FCHSD2: variants seen among roughly 807,000 people sequenced by gnomAD.
The protein encoded by FCHSD2 is FCH and double SH3 domains 2.
Under a neutral mutation model 108.1 loss-of-function variants are expected in FCHSD2, and 38 were observed. That is an observed-to-expected ratio of 0.35 (90% CI 0.27 to 0.46). The LOEUF is 0.46. Among genes scored for constraint, FCHSD2 ranks in the 20% least tolerant of loss-of-function variants. The pLI is 1.00. For synonymous variants in FCHSD2, 279 were observed against 314.7 expected (o/e 0.89, Z 1.20); for missense variants, 751 against 897.8 (o/e 0.84, Z 2.09).
At chr11:73,014,344 G>GT (rs2135431650) in intron 4 of FCHSD2, among the ~76,000 whole-genome samples, 1 of 152,048 alleles carries the variant, frequency 6.6e-6, no homozygotes, top group African/African-American at 2.4e-5. Context: ...GCCCAGTCTA[G>GT]TCTTGAACTA....
chr11:73,000,744 C>T (rs76645433), intron 5 of FCHSD2, among the ~76,000 whole-genome samples: 6 of 152,004 alleles, frequency 3.9e-5, no homozygotes, highest in Non-Finnish European at 8.8e-5. Flanking sequence ...TGCCGAAAAG[C>T]GGTATTACTA....
At chr11:73,056,684 A>G (rs1229093399) in intron 3 of FCHSD2, among the ~76,000 whole-genome samples, 1 of 152,250 alleles carries the variant, frequency 6.6e-6, no homozygotes, top group African/African-American at 2.4e-5. Flanking sequence ...AGAAGAGAGC[A>G]TAACAGAACA....
chr11:72,879,203 T>G (rs1420024325), intron 12 of FCHSD2, among the ~76,000 whole-genome samples: 3 of 152,194 alleles, frequency 2.0e-5, no homozygotes, highest in Non-Finnish European at 2.9e-5. Context: ...ACGGCATTAG[T>G]ATAGGGCTAA....
intron 8 of FCHSD2, among the ~76,000 whole-genome samples, chr11:72,969,536 G>A (rs1856971630): frequency 6.6e-6 from 1 of 152,116 alleles, no homozygotes; most frequent in South Asian, 2.1e-4. Flanking sequence ...TGTGTGCCTT[G>A]CACAAAGTGG....
chr11:73,108,273 T>C (rs9645708), intron 2 of FCHSD2, among the ~76,000 whole-genome samples: 55,340 of 152,126 alleles, frequency 0.36, 10,520 homozygotes, highest in South Asian at 0.49. Context: ...TCCTATGAAG[T>C]TGTTTAAGCT....
chr11:72,990,727 A>C (rs1456646081), intron 5 of FCHSD2, among the ~76,000 whole-genome samples: 1 of 152,250 alleles, frequency 6.6e-6, no homozygotes, highest in Non-Finnish European at 1.5e-5. Flanking sequence ...AGGGAAATTT[A>C]TAGCACTAAA....
At chr11:73,045,021 G>C (rs1246416738) in intron 3 of FCHSD2, among the ~76,000 whole-genome samples, 2 of 149,428 alleles carry the variant, frequency 1.3e-5, no homozygotes, top group Admixed American at 1.3e-4. Context: ...AGTGAGCCGA[G>C]ATCGCTCCAC....
intron 12 of FCHSD2, among the ~76,000 whole-genome samples, chr11:72,886,294 C>T (rs993188669): frequency 5.3e-5 from 8 of 152,136 alleles, no homozygotes; most frequent in Middle Eastern, 3.2e-3. Flanking sequence ...TCCTTCTTTC[C>T]TACCTTCATC....
chr11:72,932,301 C>T (rs1177906296), intron 8 of FCHSD2, among the ~76,000 whole-genome samples: 1 of 152,132 alleles, frequency 6.6e-6, no homozygotes, highest in Non-Finnish European at 1.5e-5. Flanking sequence ...TCCCTCTCAC[C>T]AACTCATTTC....
At chr11:73,042,093 A>AT (rs1353414586) in intron 3 of FCHSD2, among the ~76,000 whole-genome samples, 2 of 152,050 alleles carry the variant, frequency 1.3e-5, no homozygotes, top group Non-Finnish European at 1.5e-5. Flanking sequence ...CACCCAGCTA[A>AT]TTTTTTTATT....
At chr11:73,122,559 G>C (rs1466469283) in intron 2 of FCHSD2, among the ~76,000 whole-genome samples, 2 of 152,178 alleles carry the variant, frequency 1.3e-5, no homozygotes, top group Non-Finnish European at 2.9e-5. Context: ...CTAAGGAATA[G>C]AGACTTAAAT....
At chr11:73,107,035 C>CTATATA (rs138664316) in intron 2 of FCHSD2, among the ~76,000 whole-genome samples, 12 of 149,080 alleles carry the variant, frequency 8.0e-5, no homozygotes, top group African/African-American at 2.7e-4. Flanking sequence ...GTTAGAAAAG[C>CTATATA]TATATATATA....
At chr11:73,030,098 G>A (rs1858323522) in intron 3 of FCHSD2, among the ~76,000 whole-genome samples, 1 of 152,010 alleles carries the variant, frequency 6.6e-6, no homozygotes, top group Non-Finnish European at 1.5e-5. Flanking sequence ...AATGCCATTA[G>A]TTTGAAAATA....
chr11:72,991,567 C>T (rs1857415930), intron 5 of FCHSD2, among the ~76,000 whole-genome samples: 1 of 152,180 alleles, frequency 6.6e-6, no homozygotes, highest in Non-Finnish European at 1.5e-5. Flanking sequence ...ATACGCTGAT[C>T]AAGTGGGCTT....
chr11:73,087,692 G>A (rs1035088718), intron 2 of FCHSD2, among the ~76,000 whole-genome samples: 4 of 150,502 alleles, frequency 2.7e-5, no homozygotes, highest in Admixed American at 6.6e-5. Context: ...GCAACAGAGC[G>A]AGGCTTTGTC....
At chr11:73,050,495 TGCTGAATATATAAG>T (rs1858873104) in intron 3 of FCHSD2, among the ~76,000 whole-genome samples, 1 of 152,222 alleles carries the variant, frequency 6.6e-6, no homozygotes, top group South Asian at 2.1e-4. Flanking sequence ...GAGCTATAGC[TGCTGAATATATAAG>T]GCTCTTAAAT....
chr11:72,990,343 C>T (rs1429479393), intron 5 of FCHSD2, among the ~76,000 whole-genome samples: 1 of 152,130 alleles, frequency 6.6e-6, no homozygotes, highest in East Asian at 1.9e-4. Context: ...TTGGGATAAA[C>T]TAAAAATTAA....
At chr11:73,070,121 A>G (rs1367262560) in intron 3 of FCHSD2, among the ~76,000 whole-genome samples, 1 of 152,236 alleles carries the variant, frequency 6.6e-6, no homozygotes, top group East Asian at 1.9e-4. Flanking sequence ...CATTGTCCCA[A>G]GAAGAAAATA....
chr11:72,861,931 CAAAAAA>C (rs35078687), intron 13 of FCHSD2, among the ~76,000 whole-genome samples: 1 of 109,578 alleles, frequency 9.1e-6, no homozygotes. Flanking sequence ...AACGCCGTCT[CAAAAAA>C]AAAAAAAAAA....
Sources: gnomAD v4.1 joint callset for allele counts (sites outside exome capture counted in the v4.1 genomes callset) on GRCh38, gnomAD v4.1.1 for gene constraint, MANE v1.5 for transcripts, NCBI Gene and HGNC (gene_info 2026-07-23, HGNC 2026-07-21) for gene names.